Variants in MTUS2 observed in about 807,000 individuals in gnomAD.
MTUS2 encodes microtubule associated scaffold protein 2.
Under a neutral mutation model 114.1 loss-of-function variants are expected in MTUS2, and 40 were observed. The ratio of observed to expected loss-of-function variants is 0.35; its 90% confidence interval spans 0.27 to 0.46. The LOEUF (loss-of-function observed/expected upper bound fraction) is 0.46. Among genes scored for constraint, MTUS2 ranks in the 20% least tolerant of loss-of-function variants. The pLI is 1.00. For missense variants in MTUS2, 1,679 were observed against 1,705.4 expected, an observed-to-expected ratio of 0.98 and a Z score of 0.27; for synonymous variants, 688 against 672.0, an observed-to-expected ratio of 1.02 and a Z score of -0.37.
At chr13:29,293,786 G>A (rs902982451) in intron 6 of MTUS2, among the ~76,000 whole-genome samples, 2 of 152,054 alleles carry the variant, frequency 1.3e-5, no homozygotes, top group African/African-American at 4.8e-5. Flanking sequence ...GAATTACATG[G>A]AAAGATGTCC....
At chr13:29,383,444 A>G (rs1165384834) in intron 8 of MTUS2, among the ~76,000 whole-genome samples, 4 of 152,140 alleles carry the variant, frequency 2.6e-5, no homozygotes, top group Admixed American at 2.6e-4. Flanking sequence ...CCCTGCAGCA[A>G]GAGAGAATAA....
chr13:28,979,032 T>C (rs4769653), intron 2 of MTUS2, among the ~76,000 whole-genome samples: 26,650 of 152,156 alleles, frequency 0.18, 2,882 homozygotes, highest in East Asian at 0.51. Context: ...TCTACACTCC[T>C]CAGAGACATC....
At chr13:29,289,199 A>G (rs553892613) in intron 6 of MTUS2, among the ~76,000 whole-genome samples, 9 of 152,280 alleles carry the variant, frequency 5.9e-5, no homozygotes, top group African/African-American at 2.2e-4. Flanking sequence ...ATGTGACTAA[A>G]CAGCCTTATA....
At chr13:29,064,246 T>C (rs1197010003) in intron 4 of MTUS2, among the ~76,000 whole-genome samples, 2 of 152,026 alleles carry the variant, frequency 1.3e-5, no homozygotes, top group African/African-American at 2.4e-5. Context: ...GGCAGAGGCA[T>C]GGAGATTTGC....
At chr13:28,872,005 AAGGATGGAGTTTATTCCAC>A (rs1293449734) in intron 2 of MTUS2, among the ~76,000 whole-genome samples, 1 of 152,186 alleles carries the variant, frequency 6.6e-6, no homozygotes, top group Admixed American at 6.5e-5. Flanking sequence ...CCTCATGCTA[AAGGATGGAGTTTATTCCAC>A]ATGTGGCAGG....
intron 8 of MTUS2, among the ~76,000 whole-genome samples, chr13:29,426,787 C>G (rs1285454033): frequency 6.6e-6 from 1 of 152,208 alleles, no homozygotes; most frequent in South Asian, 2.1e-4. Flanking sequence ...CTTTTTAAGG[C>G]TGACTAATGT....
intron 12 of MTUS2, among the ~76,000 whole-genome samples, chr13:29,493,390 A>G (rs1249954462): frequency 6.6e-6 from 1 of 152,156 alleles, no homozygotes; most frequent in Non-Finnish European, 1.5e-5. Flanking sequence ...CTGGGAAGCC[A>G]GGGGGACGCT....
intron 5 of MTUS2, among the ~76,000 whole-genome samples, chr13:29,189,343 A>G (rs1280183384): frequency 6.6e-6 from 1 of 152,222 alleles, no homozygotes; most frequent in African/African-American, 2.4e-5. Context: ...ATTCCTAAAG[A>G]AGAGGCAGTT....
At chr13:29,273,733 C>G (rs1195568060) in intron 5 of MTUS2, among the ~76,000 whole-genome samples, 1 of 152,180 alleles carries the variant, frequency 6.6e-6, no homozygotes, top group East Asian at 1.9e-4. Flanking sequence ...GAAAGCCACT[C>G]ATCAACTTTC....
At chr13:28,968,175 A>G (rs1298248120) in intron 2 of MTUS2, among the ~76,000 whole-genome samples, 2 of 152,120 alleles carry the variant, frequency 1.3e-5, no homozygotes, top group Admixed American at 1.3e-4. Flanking sequence ...TTTTTTTCAT[A>G]AAAGTTAGTT....
At chr13:29,252,767 A>C (rs900217295) in intron 5 of MTUS2, among the ~76,000 whole-genome samples, 2 of 152,108 alleles carry the variant, frequency 1.3e-5, no homozygotes, top group Non-Finnish European at 2.9e-5. Flanking sequence ...AAGTCTCACG[A>C]GATCTGATGG....
intron 5 of MTUS2, among the ~76,000 whole-genome samples, chr13:29,266,143 G>T (rs1367637591): frequency 6.6e-6 from 1 of 152,168 alleles, no homozygotes; most frequent in East Asian, 1.9e-4. Flanking sequence ...GTTAATGGGG[G>T]TGATATCAGT....
At chr13:29,416,908 T>A (rs944495484) in intron 8 of MTUS2, among the ~76,000 whole-genome samples, 2 of 152,244 alleles carry the variant, frequency 1.3e-5, no homozygotes, top group African/African-American at 4.8e-5. Context: ...ATCTCTGGGT[T>A]AACTTTCCCA....
chr13:29,194,531 G>A (rs61945904), intron 5 of MTUS2, among the ~76,000 whole-genome samples: 2 of 152,176 alleles, frequency 1.3e-5, no homozygotes, highest in African/African-American at 2.4e-5. Context: ...AATGCAAATC[G>A]AAACCACAGT....
intron 9 of MTUS2, among the ~76,000 whole-genome samples, chr13:29,473,807 GT>G (rs1322383337): frequency 6.6e-6 from 1 of 152,132 alleles, no homozygotes; most frequent in Non-Finnish European, 1.5e-5. Context: ...GATTGTAGGG[GT>G]TTATGATAGT....
At chr13:29,177,394 T>TA (rs1893817848) in intron 5 of MTUS2, among the ~76,000 whole-genome samples, 7 of 150,282 alleles carry the variant, frequency 4.7e-5, no homozygotes, top group African/African-American at 1.8e-4. Flanking sequence ...TAATAATAAT[T>TA]ATTTAAAGAA....
intron 5 of MTUS2, among the ~76,000 whole-genome samples, chr13:29,186,723 G>A (rs1159777797): frequency 1.3e-5 from 2 of 152,136 alleles, no homozygotes; most frequent in African/African-American, 4.8e-5. Flanking sequence ...TAGAATGAAG[G>A]CAAACGAGGA....
intron 6 of MTUS2, among the ~76,000 whole-genome samples, chr13:29,302,973 T>C (rs1805601038): frequency 6.6e-6 from 1 of 152,230 alleles, no homozygotes. Flanking sequence ...TTTGCTGTTT[T>C]GTGCTCTTCA....
chr13:28,852,782 T>C (rs779324083), intron 2 of MTUS2, among the ~76,000 whole-genome samples: 2 of 152,058 alleles, frequency 1.3e-5, no homozygotes, highest in African/African-American at 4.8e-5. Flanking sequence ...GGAGAATTGC[T>C]TGAACCTGGG....
Sources: gnomAD v4.1 joint callset for allele counts (sites outside exome capture counted in the v4.1 genomes callset) on GRCh38, gnomAD v4.1.1 for gene constraint, MANE v1.5 for transcripts, NCBI Gene and HGNC (gene_info 2026-07-23, HGNC 2026-07-21) for gene names.